The following ERLN variants were observed in gnomAD, a reference collection of about 807,000 sequenced individuals.
ERLN encodes the protein endoregulin, also known as small integral membrane protein 6.
At chr17:75,647,108 A>AG in the ERLN span, among the ~76,000 whole-genome samples, 2 of 152,264 alleles carry the variant, frequency 1.3e-5, no homozygotes, top group African/African-American at 4.8e-5. Context: ...TGGAGAATCC[A>AG]GGGGCATCCC....
the ERLN span, chr17:75,647,460 T>A: frequency 7.1e-6 from 11 of 1,550,212 alleles, no homozygotes; most frequent in South Asian, 1.3e-4. Context: ...TGGCAGTGAT[T>A]ATCTTATTCA....
At chr17:75,647,463 C>T in the ERLN span, 58 of 1,550,250 alleles carry the variant, frequency 3.7e-5, no homozygotes, top group African/African-American at 7.2e-4. Context: ...CAGTGATTAT[C>T]TTATTCATCA....
the ERLN span, chr17:75,647,249 C>A: frequency 1.3e-6 from 1 of 769,772 alleles, no homozygotes; most frequent in Non-Finnish European, 2.0e-6. Flanking sequence ...CCCCTGGCTG[C>A]CAGGCGGGCC....
chr17:75,647,238 T>C, the ERLN span: 3 of 687,506 alleles, frequency 4.4e-6, no homozygotes, highest in Non-Finnish European at 7.2e-6. Context: ...CCCTTTCATG[T>C]CCCCTGGCTG....
At chr17:75,647,535 C>T in the ERLN span, 24 of 1,550,344 alleles carry the variant, frequency 1.5e-5, no homozygotes, top group Non-Finnish European at 1.9e-5. Context: ...CCACAGAAAA[C>T]ACTCAGTGTG....
the ERLN span, among the ~76,000 whole-genome samples, chr17:75,647,037 A>C: frequency 6.6e-6 from 1 of 152,220 alleles, no homozygotes; most frequent in Admixed American, 6.5e-5. Context: ...GATTCTAGCC[A>C]AGTAGGTCTC....
the ERLN span, among the ~76,000 whole-genome samples, chr17:75,647,076 T>C: frequency 6.6e-6 from 1 of 152,200 alleles, no homozygotes; most frequent in African/African-American, 2.4e-5. Flanking sequence ...TTGCTCACAC[T>C]TGCTACTCAG....
the ERLN span, chr17:75,647,596 G>A: frequency 6.5e-7 from 1 of 1,546,480 alleles, no homozygotes; most frequent in Non-Finnish European, 8.7e-7. Context: ...GATGGCAGCA[G>A]GGGAGGCGAG....
At chr17:75,647,423 G>T in the ERLN span, 1 of 1,550,026 alleles carries the variant, frequency 6.5e-7, no homozygotes, top group Admixed American at 2.0e-5. Flanking sequence ...GATGCGTTCT[G>T]GCAGAACCCC....
the ERLN span, chr17:75,647,378 T>A: frequency 1.3e-6 from 2 of 1,548,078 alleles, no homozygotes; most frequent in South Asian, 2.4e-5. Flanking sequence ...CAGATTCTCA[T>A]GGACCAACTG....
chr17:75,647,465 T>C, the ERLN span: 1 of 1,550,250 alleles, frequency 6.5e-7, no homozygotes, highest in Non-Finnish European at 8.7e-7. Flanking sequence ...GTGATTATCT[T>C]ATTCATCACC....
chr17:75,647,522 C>G, the ERLN span: 1 of 1,550,366 alleles, frequency 6.5e-7, no homozygotes, highest in Non-Finnish European at 8.7e-7. Flanking sequence ...GGTTTACTCA[C>G]TTCCACAGAA....
chr17:75,647,569 G>A, the ERLN span: 2 of 1,549,806 alleles, frequency 1.3e-6, no homozygotes, highest in South Asian at 2.4e-5. Context: ...GGAGTGACCT[G>A]ACTTGCTGGG....
the ERLN span, chr17:75,646,268 G>T: frequency 6.6e-6 from 1 of 152,404 alleles, no homozygotes; most frequent in Non-Finnish European, 1.5e-5. Flanking sequence ...CCACAACACA[G>T]GAAGTGAGCC....
chr17:75,647,506 G>A, the ERLN span: 3 of 1,550,404 alleles, frequency 1.9e-6, no homozygotes, highest in South Asian at 1.2e-5. Context: ...ATTTGCCATC[G>A]TGTTTGGTTT....
chr17:75,647,394 C>T, the ERLN span: 1 of 1,549,380 alleles, frequency 6.5e-7, no homozygotes, highest in Non-Finnish European at 8.7e-7. Flanking sequence ...AACTGGTATT[C>T]AAAGAGACAA....
chr17:75,647,446 G>A, the ERLN span: 1 of 1,549,946 alleles, frequency 6.5e-7, no homozygotes, highest in Non-Finnish European at 8.7e-7. Context: ...GGACCAGGGG[G>A]GCCTGGCAGT....
chr17:75,647,578 G>C, the ERLN span: 2 of 1,549,512 alleles, frequency 1.3e-6, no homozygotes, highest in South Asian at 1.2e-5. Context: ...TGACTTGCTG[G>C]GGACTGAGAT....
the ERLN span, chr17:75,647,687 C>T: frequency 1.0e-6 from 1 of 960,894 alleles, no homozygotes; most frequent in East Asian, 2.6e-5. Context: ...CTTCCTTTCC[C>T]ATCAGGAAAA....
Sources: gnomAD v4.1 joint callset for allele counts (sites outside exome capture counted in the v4.1 genomes callset) on GRCh38, gnomAD v4.1.1 for gene constraint, MANE v1.5 for transcripts, NCBI Gene and HGNC (gene_info 2026-07-23, HGNC 2026-07-21) for gene names.